Variants in CNTN1 observed in about 807,000 individuals in gnomAD.
The protein encoded by CNTN1 is contactin 1.
Under a neutral mutation model 126.4 loss-of-function variants are expected in CNTN1, and 38 were observed. That is an observed-to-expected ratio of 0.30 (90% CI 0.23 to 0.39). CNTN1 has a LOEUF of 0.39. Among genes scored for constraint, CNTN1 ranks in the 10% least tolerant of loss-of-function variants. CNTN1 has a pLI of 1.00. For missense variants in CNTN1, 1,009 were observed against 1,248.4 expected (o/e 0.81, Z 2.89); for synonymous variants, 413 against 422.6 (o/e 0.98, Z 0.28).
intron 1 of CNTN1, among the ~76,000 whole-genome samples, chr12:40,813,656 C>T (rs1182549195): frequency 6.6e-5 from 10 of 152,126 alleles, no homozygotes; most frequent in Admixed American, 6.5e-4. Context: ...AATAAACATA[C>T]ATTTGCATGT....
intron 17 of CNTN1, among the ~76,000 whole-genome samples, chr12:41,009,427 G>A (rs951257911): frequency 5.9e-5 from 9 of 152,186 alleles, no homozygotes; most frequent in Non-Finnish European, 1.3e-4. Context: ...GGGGCATGCT[G>A]GCAATCCTTT....
chr12:41,066,732 C>T (rs1007237192), intron 23 of CNTN1, among the ~76,000 whole-genome samples: 17 of 152,150 alleles, frequency 1.1e-4, no homozygotes, highest in African/African-American at 4.1e-4. Flanking sequence ...TTCTACTTAT[C>T]AGAAAGCCTG....
intron 23 of CNTN1, among the ~76,000 whole-genome samples, chr12:41,048,690 A>G (rs1949602105): frequency 1.3e-5 from 2 of 152,156 alleles, no homozygotes. Context: ...ACAAAACAAA[A>G]CAGAGCAACA....
At position 40,938,081 on chromosome 12, in the gene CNTN1, G is replaced by A. The variant is rs149360192; in HGVS notation, c.1228+394G>A. On this transcript the variant is annotated intron_variant, in intron 11 of 23. Coordinates refer to ENST00000551295, the MANE Select transcript of CNTN1 (RefSeq NM_001843.4). Reference sequence around the variant, plus strand: ...AAAACCCAGATGAAGATATGCTTAGGCCTAGAAAAGCCTCCAGAAAGTACA... The same window carrying A: ...AAAACCCAGATGAAGATATGCTTAGACCTAGAAAAGCCTCCAGAAAGTACA... Among the ~76,000 whole-genome samples the A allele has an allele frequency of 1.4e-3, 210 of 152,246 alleles. 1 individual carries two copies. Among genetic ancestry groups the A allele is most frequent in the African/African-American group, 5.0e-3 (207 of 41,530 alleles).
At chr12:41,011,964 G>A (rs1202023681) in intron 17 of CNTN1, among the ~76,000 whole-genome samples, 1 of 152,182 alleles carries the variant, frequency 6.6e-6, no homozygotes, top group East Asian at 1.9e-4. Context: ...TGGTTTTGGA[G>A]GACATTTTAC....
At chr12:40,936,020 A>G (rs1327477816) in intron 9 of CNTN1, among the ~76,000 whole-genome samples, 2 of 152,024 alleles carry the variant, frequency 1.3e-5, no homozygotes, top group African/African-American at 4.8e-5. Flanking sequence ...TCCTTTTTGT[A>G]TTAATTTATT....
chr12:40,756,366 G>A (rs1320203507), intron 1 of CNTN1, among the ~76,000 whole-genome samples: 1 of 152,084 alleles, frequency 6.6e-6, no homozygotes, highest in Non-Finnish European at 1.5e-5. Flanking sequence ...GTCCTCATTG[G>A]TGTAACCATA....
intron 1 of CNTN1, among the ~76,000 whole-genome samples, chr12:40,792,466 C>T (rs886344172): frequency 6.7e-6 from 1 of 148,814 alleles, no homozygotes; most frequent in African/African-American, 2.5e-5. Context: ...TTTTATTTGT[C>T]TTTCTTTTCT....
chr12:40,952,272 A>T (rs1946718097), intron 14 of CNTN1, among the ~76,000 whole-genome samples: 1 of 152,114 alleles, frequency 6.6e-6, no homozygotes, highest in South Asian at 2.1e-4. Context: ...GGGAATATTA[A>T]TAGTAAATCT....
intron 15 of CNTN1, chr12:40,972,153 G>C (rs1263457907): frequency 1.0e-6 from 1 of 985,230 alleles, no homozygotes; most frequent in Middle Eastern, 5.2e-4. Flanking sequence ...CATCTGAGTA[G>C]CAAGATTTTA....
chr12:40,695,244 G>T (rs181108242), intron 1 of CNTN1, among the ~76,000 whole-genome samples: 1 of 152,268 alleles, frequency 6.6e-6, no homozygotes. Context: ...AAGCTGGATG[G>T]GTGCAGCAAT....
At chr12:40,859,483 G>C (rs965083202) in intron 1 of CNTN1, among the ~76,000 whole-genome samples, 1 of 151,780 alleles carries the variant, frequency 6.6e-6, no homozygotes, top group Non-Finnish European at 1.5e-5. Context: ...ACCTAAAACT[G>C]CTCCCAAAAA....
intron 1 of CNTN1, among the ~76,000 whole-genome samples, chr12:40,785,333 T>A (rs1415904730): frequency 1.3e-5 from 2 of 151,832 alleles, no homozygotes; most frequent in African/African-American, 4.8e-5. Context: ...GAGCTTTCAC[T>A]CATAGTGGAA....
At position 40,877,399 on chromosome 12, in the gene CNTN1, T is replaced by C. The variant is rs372301078; in HGVS notation, c.-76-30958T>C. Among the ~76,000 whole-genome samples, 5 of 152,290 alleles carry C rather than the reference T, an allele frequency of 3.3e-5. No individual in the cohort carries two copies. The East Asian group carries it at 5.8e-4, about 18-fold the overall frequency. On this transcript the variant is annotated intron_variant, in intron 1 of 23. Transcript: ENST00000551295. ...GATTATTTCCTCTGAAAGTACTAGT[T>C]CCTATTGTCATGGAGGAAAGAAGAT...
chr12:40,830,482 A>G (rs573146963), intron 1 of CNTN1, among the ~76,000 whole-genome samples: 1 of 151,858 alleles, frequency 6.6e-6, no homozygotes, highest in Non-Finnish European at 1.5e-5. Context: ...AACATCAAAC[A>G]TAAGATTTTG....
intron 6 of CNTN1, among the ~76,000 whole-genome samples, chr12:40,929,426 A>C (rs1408363134): frequency 3.3e-5 from 5 of 152,032 alleles, no homozygotes; most frequent in Admixed American, 3.3e-4. Flanking sequence ...TTGGCAGATT[A>C]ATCATGGCTT....
chr12:41,007,077 T>A (rs1467062686), intron 17 of CNTN1, among the ~76,000 whole-genome samples: 1 of 88,778 alleles, frequency 1.1e-5, no homozygotes, highest in African/African-American at 4.9e-5. Context: ...TTTTTTTTTT[T>A]GAGACGGAGT....
At chr12:40,883,551 C>G (rs1943939327) in intron 1 of CNTN1, among the ~76,000 whole-genome samples, 1 of 151,444 alleles carries the variant, frequency 6.6e-6, no homozygotes, top group Non-Finnish European at 1.5e-5. Flanking sequence ...GCATTTTCTA[C>G]AGATGTGAAT....
At chr12:40,867,442 T>C (rs1241093091) in intron 1 of CNTN1, among the ~76,000 whole-genome samples, 1 of 152,182 alleles carries the variant, frequency 6.6e-6, no homozygotes, top group Non-Finnish European at 1.5e-5. Context: ...AGCATGGGAC[T>C]ATAGTTAATA....
Sources: gnomAD v4.1 joint callset for allele counts (sites outside exome capture counted in the v4.1 genomes callset) on GRCh38, gnomAD v4.1.1 for gene constraint, MANE v1.5 for transcripts, NCBI Gene and HGNC (gene_info 2026-07-23, HGNC 2026-07-21) for gene names.